Variants in CCNB2 observed in about 807,000 individuals in gnomAD.
CCNB2 encodes G2/mitotic-specific cyclin-B2.
In CCNB2, 39 loss-of-function variants were observed where a neutral mutation model predicts 51.1. The observed-to-expected ratio is 0.76, with a 90% CI of 0.59 to 1.00. The LOEUF (loss-of-function observed/expected upper bound fraction) is 1.00, where lower values mean the gene tolerates loss of function less well. Ranked by LOEUF, CCNB2 falls within the 50% of genes least tolerant of loss-of-function variation. The pLI, the probability that CCNB2 is intolerant of heterozygous loss-of-function variation, is 0.00. For missense variants in CCNB2, 472 were observed against 470.3 expected (o/e 1.00, Z -0.03); for synonymous variants, 174 against 165.5 (o/e 1.05, Z -0.40).
intron 3 of CCNB2, among the ~76,000 whole-genome samples, chr15:59,109,271 C>A (rs1392341593): frequency 1.3e-5 from 2 of 152,192 alleles, no homozygotes; most frequent in African/African-American, 4.8e-5. Context: ...GGTGATCCAC[C>A]TGCCCCCGCC....
chr15:59,105,459 C>T (rs1364983631), intron 1 of CCNB2, among the ~76,000 whole-genome samples, 167 bp downstream of exon 1: 2 of 152,246 alleles, frequency 1.3e-5, no homozygotes, highest in African/African-American at 2.4e-5. Flanking sequence ...CGGTCCTCTC[C>T]GGCCCGCCTT....
intron 7 of CCNB2, among the ~76,000 whole-genome samples, chr15:59,120,555 T>C (rs1228406552): frequency 6.6e-6 from 1 of 151,942 alleles, no homozygotes; most frequent in Non-Finnish European, 1.5e-5. Context: ...TAATAGATTA[T>C]AGTGTATAAA....
chr15:59,109,813 C>T (rs970627918), intron 3 of CCNB2, among the ~76,000 whole-genome samples: 30 of 152,102 alleles, frequency 2.0e-4, no homozygotes, highest in African/African-American at 5.8e-4. Flanking sequence ...AGTAAAACCC[C>T]GTCTCTACTA....
chr15:59,105,721 A>T (rs2079233169), intron 1 of CCNB2, among the ~76,000 whole-genome samples: 1 of 152,146 alleles, frequency 6.6e-6, no homozygotes, highest in Non-Finnish European at 1.5e-5. Context: ...GGAGGACTGG[A>T]AGGGTTCTGT....
At chr15:59,109,632 A>T (rs1377896766) in intron 3 of CCNB2, among the ~76,000 whole-genome samples, 1 of 152,202 alleles carries the variant, frequency 6.6e-6, no homozygotes, top group Non-Finnish European at 1.5e-5. Flanking sequence ...CAGAATATTG[A>T]TGGTAGTTAT....
chr15:59,113,098 C>G (rs2079264604), intron 3 of CCNB2, among the ~76,000 whole-genome samples: 2 of 151,812 alleles, frequency 1.3e-5, no homozygotes, highest in South Asian at 2.1e-4. Context: ...CTTGTTTTAA[C>G]TGCTTTATAA....
chr15:59,121,368 T>C (rs1199583162), intron 7 of CCNB2: 1 of 152,218 alleles, frequency 6.6e-6, no homozygotes, highest in Non-Finnish European at 1.5e-5. Flanking sequence ...TACCAATGGC[T>C]CATTTTTAGT....
intron 3 of CCNB2, among the ~76,000 whole-genome samples, chr15:59,111,054 A>G (rs1225669167): frequency 4.6e-5 from 7 of 152,246 alleles, no homozygotes; most frequent in African/African-American, 1.2e-4. Context: ...AGTCATAGCT[A>G]GAACAGATTA....
At chr15:59,111,839 C>CTA (rs1768328647) in intron 3 of CCNB2, among the ~76,000 whole-genome samples, 2 of 147,494 alleles carry the variant, frequency 1.4e-5, no homozygotes, top group Non-Finnish European at 3.0e-5. Context: ...CTATTCTATT[C>CTA]TTTTCTTTCT....
intron 8 of CCNB2, 73 bp downstream of exon 8, chr15:59,123,700 G>C (rs2899643): frequency 0.021 from 15,066 of 726,834 alleles, 698 homozygotes; most frequent in African/African-American, 0.097. Context: ...GGGCGGGGGG[G>C]GGCGGTGTGT....
chr15:59,118,118 G>T (rs2079286413), intron 7 of CCNB2, among the ~76,000 whole-genome samples: 1 of 152,224 alleles, frequency 6.6e-6, no homozygotes, highest in Non-Finnish European at 1.5e-5. Context: ...AAGCACACAA[G>T]ACAAAGGAAG....
chr15:59,109,441 T>G (rs959216372), intron 3 of CCNB2, among the ~76,000 whole-genome samples: 1 of 152,198 alleles, frequency 6.6e-6, no homozygotes, highest in Non-Finnish European at 1.5e-5. Context: ...GTGTCTCTTA[T>G]AGAGTAGAGA....
At chr15:59,124,467 G>C (rs781173044) in intron 8 of CCNB2, 9 of 387,780 alleles carry the variant, frequency 2.3e-5, no homozygotes, top group African/African-American at 8.5e-5. Flanking sequence ...CTTAGGTGTC[G>C]TAAACACAGC....
chr15:59,117,704 A>T (rs1466694488), intron 7 of CCNB2, among the ~76,000 whole-genome samples: 1 of 152,148 alleles, frequency 6.6e-6, no homozygotes, highest in Non-Finnish European at 1.5e-5. Context: ...ACTCGGCTCA[A>T]GCAGTCTGCC....
At chr15:59,119,476 A>AG (rs1366335094) in intron 7 of CCNB2, among the ~76,000 whole-genome samples, 6 of 141,238 alleles carry the variant, frequency 4.2e-5, no homozygotes, top group Non-Finnish European at 8.9e-5. Context: ...AAAAAAAAAA[A>AG]ACAAATCTGT....
Position 59,114,535 on chromosome 15 carries a change from T to C in CCNB2, c.359T>C (p.Ile120Thr), listed in dbSNP as rs1270741723. The C allele has an allele frequency of 6.2e-7, 1 of 1,613,710 alleles. No individual in the cohort carries two copies. Among genetic ancestry groups the C allele is most frequent in the Non-Finnish European group, 8.5e-7 (1 of 1,179,886 alleles). ...GCCTTGCTCTGCAAAATCGAGGACA[T>C]TGATAACGAAGATTGGGAGAACCCT... ...SDALLCKIED[I>T]DNEDWENPQL... The change falls in exon 4 of 9, where the codon ATT (isoleucine) becomes ACT (threonine). Residue 120 changes from isoleucine (I) to threonine (T), a missense_variant. Physicochemically the swap from Ile to Thr is moderately conservative, Grantham distance 89. Transcript: ENST00000288207.
Position 59,105,236 on chromosome 15 carries a change from G to C in CCNB2, c.-33G>C. The C allele has an allele frequency of 6.4e-7, 1 of 1,554,806 alleles. No homozygotes were observed. The highest frequency in any genetic ancestry group is 8.7e-7 in the Non-Finnish European group (1 of 1,150,538). ...CTTTTCAGTCCGCGTCCCTCCCTGG[G>C]CCGGGCTGGCACTCTTGCCTTCCCC... On this transcript the variant is annotated 5_prime_UTR_variant, in exon 1 of 9. Transcript: ENST00000288207.
At position 59,114,867 on chromosome 15, in the gene CCNB2, AT is replaced by A; in HGVS notation, c.593del (p.Leu198TyrfsTer13). The A allele has an allele frequency of 1.2e-6, 2 of 1,612,676 alleles. No individual in the cohort carries two copies. Among genetic ancestry groups the A allele is most frequent in the Non-Finnish European group, 1.7e-6 (2 of 1,178,910 alleles). ...ACATGTGCGTTGGCATTATGGATCG[AT>A]TTTTACAGGTAGGTGTGGCTTCAGG... ...LYMCVGIMDR[F>X]LQVQPVSRKK... On this transcript the variant is annotated frameshift_variant, in exon 5 of 9. Coordinates refer to ENST00000288207, the MANE Select transcript of CCNB2 (RefSeq NM_004701.4). LOFTEE classifies it high-confidence loss of function.
intron 3 of CCNB2, among the ~76,000 whole-genome samples, chr15:59,113,983 T>C (rs540863785): frequency 7.9e-5 from 12 of 152,354 alleles, no homozygotes; most frequent in African/African-American, 2.9e-4. Flanking sequence ...ATTACAGGCG[T>C]GAGCCACCGT....
Sources: allele counts gnomAD v4.1 joint callset (sites outside exome capture counted in the v4.1 genomes callset), GRCh38; gene constraint gnomAD v4.1.1; transcripts MANE v1.5; gene names NCBI Gene and HGNC (gene_info 2026-07-23, HGNC 2026-07-21).